RNF180: variants seen among roughly 807,000 people sequenced by gnomAD.
RNF180 encodes the protein E3 ubiquitin-protein ligase RNF180.
RNF180 carries 38 observed loss-of-function variants against 59.2 expected under a neutral mutation model. The observed-to-expected ratio is 0.64, with a 90% confidence interval of 0.50 to 0.84. RNF180 has a LOEUF of 0.84. Ranked by LOEUF, RNF180 falls within the 40% of genes least tolerant of loss-of-function variation. RNF180 has a pLI of 0.00. For missense variants in RNF180, 705 were observed against 700.9 expected (o/e 1.01, Z -0.07); for synonymous variants, 262 against 240.3 (o/e 1.09, Z -0.84).
At chr5:64,231,688 G>A (rs969576659) in intron 5 of RNF180, among the ~76,000 whole-genome samples, 1 of 152,222 alleles carries the variant, frequency 6.6e-6, no homozygotes, top group African/African-American at 2.4e-5. Flanking sequence ...TTCTTACTCA[G>A]AAGCTAATTG....
intron 5 of RNF180, among the ~76,000 whole-genome samples, chr5:64,299,789 T>C (rs891345196): frequency 1.3e-5 from 2 of 151,924 alleles, no homozygotes; most frequent in Admixed American, 6.6e-5. Context: ...TGGTTTCACT[T>C]TCCATGGTTT....
intron 5 of RNF180, among the ~76,000 whole-genome samples, chr5:64,275,606 A>G (rs1741671245): frequency 6.6e-6 from 1 of 152,092 alleles, no homozygotes; most frequent in Middle Eastern, 3.4e-3. Context: ...TAATTTCTAT[A>G]TTAAGCCCAG....
At chr5:64,278,748 C>G (rs1438667762) in intron 5 of RNF180, among the ~76,000 whole-genome samples, 2 of 152,180 alleles carry the variant, frequency 1.3e-5, no homozygotes, top group East Asian at 3.9e-4. Flanking sequence ...CTGCCTTTGC[C>G]TGTGTGGCAA....
rs1264005555 is a variant in RNF180, at chr5:64,214,349, C to T, written c.1023C>T (p.Ser341=). 2 of 1,614,020 alleles carry T rather than the reference C, an allele frequency of 1.2e-6. No homozygotes were observed. Among genetic ancestry groups the T allele is most frequent in the Admixed American group, 1.7e-5 (1 of 59,964 alleles). The stretch of plus-strand genomic sequence containing the variant: ...TGGACCTGCCCTCAGCTGGCAGGAG[C>T]ATGCCGGAGGCCTCAGACCAGGAAG... ...FLMDLPSAGR[S]MPEASDQEEH... is the part of the protein sequence containing the mutation. Residue 341 remains serine, a synonymous_variant, in exon 4 of 8, where the codon AGC becomes AGT. Transcript: ENST00000389100.
chr5:64,211,517 G>A (rs777793934), intron 2 of RNF180, among the ~76,000 whole-genome samples: 35 of 152,100 alleles, frequency 2.3e-4, no homozygotes, highest in Admixed American at 3.9e-4. Flanking sequence ...TGCTTCAGGC[G>A]AAAAGGGCAG....
At chr5:64,299,647 A>G (rs898700884) in intron 5 of RNF180, among the ~76,000 whole-genome samples, 2 of 151,948 alleles carry the variant, frequency 1.3e-5, no homozygotes, top group Admixed American at 6.6e-5. Flanking sequence ...GCCTTACCCT[A>G]GAAGATTTTG....
rs571699898 is a variant in RNF180 at position 64,319,773 on chromosome 5, T to C, written c.1228-5413T>C. Reference sequence around the variant, plus strand: ...TGAGTGAGGAGTGGCATACAAGTTATAGGGATGCCTGCGGCCTTTTATTAT... The same window carrying C: ...TGAGTGAGGAGTGGCATACAAGTTACAGGGATGCCTGCGGCCTTTTATTAT... On this transcript the variant is annotated intron_variant, in intron 5 of 7. Coordinates refer to ENST00000389100, the MANE Select transcript of RNF180 (RefSeq NM_001113561.2). 8.5e-5 allele frequency among the ~76,000 whole-genome samples: 13 copies of C among 152,302 alleles called. No individual in the cohort carries two copies. The East Asian group carries it at 2.3e-3, about 27-fold the overall frequency.
Position 64,214,082 on chromosome 5 carries a change from T to C in RNF180, c.756T>C (p.Thr252=). ...CTTTATATGAAATACATAGTAAGAC[T>C]ACTGCCTATTCCAGACTAAATGAAA... ...LPTLYEIHSK[T]TAYSRLNETQ... The change falls in exon 4 of 8, where the codon ACT becomes ACC. Residue 252 remains threonine, a synonymous_variant. Coordinates refer to ENST00000389100, the MANE Select transcript of RNF180 (RefSeq NM_001113561.2). 2 of 1,613,948 alleles carry C rather than the reference T, an allele frequency of 1.2e-6. No individual in the cohort carries two copies. The highest frequency in any genetic ancestry group is 1.7e-6 in the Non-Finnish European group (2 of 1,179,822).
At chr5:64,250,121 C>G (rs533438553) in intron 5 of RNF180, among the ~76,000 whole-genome samples, 2 of 152,284 alleles carry the variant, frequency 1.3e-5, no homozygotes, top group East Asian at 3.9e-4. Flanking sequence ...AGTGTCTTCT[C>G]TGTCCATGTA....
rs188624113 is a variant in RNF180, at chr5:64,182,301, T to A, written c.-1+16348T>A. 3.4e-3 allele frequency among the ~76,000 whole-genome samples: 524 copies of A among 152,280 alleles called. 2 individuals carry two copies. The highest frequency in any genetic ancestry group is 0.011 in the African/African-American group (475 of 41,550). On this transcript the variant is annotated intron_variant, in intron 1 of 7. Transcript: ENST00000389100. Reference sequence around the variant, plus strand: ...CTTAAATAATGTGATTCACAAAAAATTTATTTTAAAGAAATTTCACAAAAT... The same window carrying A: ...CTTAAATAATGTGATTCACAAAAAAATTATTTTAAAGAAATTTCACAAAAT...
chr5:64,313,687 G>A (rs1215384845), intron 5 of RNF180, among the ~76,000 whole-genome samples: 1 of 152,102 alleles, frequency 6.6e-6, no homozygotes, highest in Non-Finnish European at 1.5e-5. Context: ...GGATTACTGG[G>A]TTGAATGGTA....
intron 1 of RNF180, among the ~76,000 whole-genome samples, chr5:64,172,807 C>T (rs933046947): frequency 6.6e-6 from 1 of 152,122 alleles, no homozygotes; most frequent in African/African-American, 2.4e-5. Context: ...TAGGAGGGGG[C>T]TTCAGTGAAC....
At chr5:64,195,479 C>A (rs1751410555) in intron 1 of RNF180, among the ~76,000 whole-genome samples, 1 of 152,122 alleles carries the variant, frequency 6.6e-6, no homozygotes, top group East Asian at 1.9e-4. Flanking sequence ...AACAAACTTG[C>A]TAACTGTTGT....
At chr5:64,199,064 C>G (rs927135310) in intron 1 of RNF180, among the ~76,000 whole-genome samples, 1 of 152,214 alleles carries the variant, frequency 6.6e-6, no homozygotes, top group Non-Finnish European at 1.5e-5. Context: ...ATGATCCACC[C>G]GCCTTGGCCT....
At chr5:64,368,020 A>G (rs575835023) in intron 7 of RNF180, among the ~76,000 whole-genome samples, 1 of 151,880 alleles carries the variant, frequency 6.6e-6, no homozygotes, top group East Asian at 1.9e-4. Flanking sequence ...AGCTCTAATT[A>G]GCATGTAAAT....
rs189843317 is a variant in RNF180 at position 64,328,056 on chromosome 5, G to A, written c.1454-2225G>A. On this transcript the variant is annotated intron_variant, in intron 6 of 7. Coordinates refer to ENST00000389100, the MANE Select transcript of RNF180 (RefSeq NM_001113561.2). ...AGGAAGAGGGAGAGGAAAAGGAAGG[G>A]AAGGGAAGGAATAATAAGAATCCTT... is the stretch of plus-strand genomic sequence containing the variant. 4.6e-4 allele frequency among the ~76,000 whole-genome samples: 70 copies of A among 152,264 alleles called. 1 individual carries two copies. The highest frequency in any genetic ancestry group is 1.9e-3 in the Admixed American group (29 of 15,288).
chr5:64,232,886 G>C (rs1742183436), intron 5 of RNF180, among the ~76,000 whole-genome samples: 1 of 152,166 alleles, frequency 6.6e-6, no homozygotes. Context: ...TAGATATTTT[G>C]TCTGGGGTCA....
At chr5:64,227,633 G>T (rs1182280856) in intron 5 of RNF180, among the ~76,000 whole-genome samples, 1 of 152,162 alleles carries the variant, frequency 6.6e-6, no homozygotes, top group Non-Finnish European at 1.5e-5. Context: ...CACATACTCT[G>T]CAAAGAAATG....
chr5:64,265,208 T>C (rs1744587632), intron 5 of RNF180, among the ~76,000 whole-genome samples: 1 of 152,220 alleles, frequency 6.6e-6, no homozygotes, highest in Non-Finnish European at 1.5e-5. Flanking sequence ...TTTCCTTTAA[T>C]GTGCAGAAGC....
Sources: gnomAD v4.1 joint callset for allele counts (sites outside exome capture counted in the v4.1 genomes callset) on GRCh38, gnomAD v4.1.1 for gene constraint, MANE v1.5 for transcripts, NCBI Gene and HGNC (gene_info 2026-07-23, HGNC 2026-07-21) for gene names.